The following NUP54 variants were observed in gnomAD, a reference collection of about 807,000 sequenced individuals.
The protein encoded by NUP54 is nucleoporin 54, also known as nucleoporin p54.
In NUP54, 27 loss-of-function variants were observed where a neutral mutation model predicts 66.4. The ratio of observed to expected loss-of-function variants is 0.41; its 90% CI spans 0.30 to 0.56. NUP54 has a LOEUF of 0.56. NUP54 is among the 20% of genes least tolerant of loss of function. The pLI is 0.34. For synonymous variants in NUP54, 206 were observed against 210.7 expected (o/e 0.98, Z 0.19); for missense variants, 486 against 596.3 (o/e 0.82, Z 1.93).
chr4:76,124,567 TCTA>T, intron 9 of NUP54, 79 bp downstream of exon 9: 1 of 496,376 alleles, frequency 2.0e-6, no homozygotes, highest in South Asian at 4.3e-5. Context: ...TATTTTTTTT[TCTA>T]TTTTAAAAAT....
chr4:76,125,501 G>A (rs181564211), intron 8 of NUP54, among the ~76,000 whole-genome samples: 29 of 149,334 alleles, frequency 1.9e-4, no homozygotes, highest in Middle Eastern at 3.5e-3. Context: ...CAGGTGTAGT[G>A]CTACATGCCT....
chr4:76,116,897 G>T (rs1212296814), intron 11 of NUP54, among the ~76,000 whole-genome samples: 2 of 152,114 alleles, frequency 1.3e-5, no homozygotes, highest in Non-Finnish European at 2.9e-5. Context: ...CGAGGAGAGG[G>T]ATAATTCACT....
intron 9 of NUP54, 128 bp downstream of exon 9, chr4:76,124,521 C>T (rs530218870): frequency 1.7e-5 from 7 of 423,862 alleles, no homozygotes; most frequent in South Asian, 1.6e-4. Flanking sequence ...TGAAAGAATT[C>T]GGTACTTGTA....
chr4:76,123,574 G>A (rs1210237962), intron 9 of NUP54, among the ~76,000 whole-genome samples: 4 of 151,710 alleles, frequency 2.6e-5, no homozygotes, highest in African/African-American at 9.7e-5. Context: ...GTGCAGTGGC[G>A]TGATCTCGGC....
chr4:76,131,138 C>T (rs1318270453), intron 7 of NUP54, 92 bp downstream of exon 7: 4 of 805,904 alleles, frequency 5.0e-6, no homozygotes, highest in Admixed American at 4.6e-5. Flanking sequence ...AAACTTGTCT[C>T]ATATGTAAGA....
At chr4:76,132,830 G>T in intron 5 of NUP54, 111 bp from the exon 6 acceptor site, 2 of 768,664 alleles carry the variant, frequency 2.6e-6, no homozygotes, top group South Asian at 2.2e-5. Context: ...ATTCAGAAAT[G>T]GTTGTTTTAG....
At chr4:76,147,310 A>G (rs1731545070) in intron 1 of NUP54, among the ~76,000 whole-genome samples, 1 of 152,254 alleles carries the variant, frequency 6.6e-6, no homozygotes, top group South Asian at 2.1e-4. Context: ...CCTAAACCAC[A>G]TCTTTTAAGG....
chr4:76,147,449 C>G (rs1041943867), intron 1 of NUP54: 1 of 1,280,958 alleles, frequency 7.8e-7, no homozygotes, highest in Middle Eastern at 2.1e-4. Context: ...GCTCCCAACA[C>G]TGGTTACACA....
chr4:76,143,003 A>T (rs1235922313), intron 3 of NUP54, among the ~76,000 whole-genome samples: 3 of 152,190 alleles, frequency 2.0e-5, no homozygotes, highest in African/African-American at 4.8e-5. Flanking sequence ...ATCCAGGTGG[A>T]ATGGCACTAT....
chr4:76,118,762 TG>T (rs1271160321), intron 9 of NUP54, among the ~76,000 whole-genome samples: 1 of 151,498 alleles, frequency 6.6e-6, no homozygotes, highest in African/African-American at 2.4e-5. Flanking sequence ...CCCAGCACTT[TG>T]GGAGGACAAG....
At chr4:76,129,757 C>CCGGAGGCT (rs1730699112) in intron 8 of NUP54, among the ~76,000 whole-genome samples, 2 of 150,274 alleles carry the variant, frequency 1.3e-5, no homozygotes, top group African/African-American at 4.9e-5. Context: ...CCCAGCTACT[C>CCGGAGGCT]CGGAGGCTGA....
intron 5 of NUP54, among the ~76,000 whole-genome samples, chr4:76,133,603 G>A (rs1354676173): frequency 2.0e-5 from 3 of 152,064 alleles, no homozygotes; most frequent in Admixed American, 6.5e-5. Flanking sequence ...CACCGTGCCC[G>A]GCCAATAAGA....
At chr4:76,118,448 TAAA>T in intron 9 of NUP54, 1 of 382,372 alleles carries the variant, frequency 2.6e-6, no homozygotes, top group Non-Finnish European at 4.9e-6. Context: ...TGCAGTGGCG[TAAA>T]CACAGCTCAC....
Position 76,144,135 on chromosome 4 carries a change from A to C in NUP54, c.295+14T>G, listed in dbSNP as rs200484571. The C allele has an allele frequency of 1.2e-4, 188 of 1,612,942 alleles. 2 individuals are homozygous for C. The highest frequency in any genetic ancestry group is 6.6e-4 in the Middle Eastern group (4 of 6,060). ...TCACGGTTTTGTATTTGAAGCTGAA[A>C]ACCTCATACTTACTAGTTTGCTGCT... On this transcript the variant is annotated intron_variant, in intron 3 of 11. Transcript: ENST00000264883.
intron 3 of NUP54, among the ~76,000 whole-genome samples, chr4:76,141,587 G>A (rs1381630496): frequency 1.3e-5 from 2 of 152,038 alleles, no homozygotes; most frequent in Non-Finnish European, 2.9e-5. Flanking sequence ...TTCACATCCT[G>A]TTTTTTCTCT....
At chr4:76,119,770 C>G (rs1309959213) in intron 9 of NUP54, among the ~76,000 whole-genome samples, 1 of 152,112 alleles carries the variant, frequency 6.6e-6, no homozygotes, top group Non-Finnish European at 1.5e-5. Context: ...TGCTACTCTC[C>G]AAGCCCAGCT....
At chr4:76,148,187 C>T in intron 1 of NUP54, 121 bp downstream of exon 1, 1 of 807,886 alleles carries the variant, frequency 1.2e-6, no homozygotes, top group Non-Finnish European at 1.7e-6. Flanking sequence ...TTTTCCAATG[C>T]CTCTAAAGTC....
intron 5 of NUP54, 92 bp downstream of exon 5, chr4:76,134,083 A>AT: frequency 2.5e-6 from 2 of 806,500 alleles, no homozygotes; most frequent in South Asian, 4.4e-5. Flanking sequence ...CTGAGAGTTA[A>AT]TTTGTGCTTT....
chr4:76,119,142 G>A (rs1182526816), intron 9 of NUP54, among the ~76,000 whole-genome samples: 1 of 151,994 alleles, frequency 6.6e-6, no homozygotes, highest in Non-Finnish European at 1.5e-5. Context: ...TAATATTTAG[G>A]TCTAAAAATT....
Sources: gnomAD v4.1 joint callset for allele counts (sites outside exome capture counted in the v4.1 genomes callset) on GRCh38, gnomAD v4.1.1 for gene constraint, MANE v1.5 for transcripts, NCBI Gene and HGNC (gene_info 2026-07-23, HGNC 2026-07-21) for gene names.